EDIL3: variants seen among roughly 807,000 people sequenced by gnomAD.
The protein encoded by EDIL3 is EGF-like repeat and discoidin I-like domain-containing protein 3.
Under a neutral mutation model 67.4 loss-of-function variants are expected in EDIL3, and 37 were observed. The observed-to-expected ratio is 0.55, with a 90% confidence interval of 0.42 to 0.72. The LOEUF is 0.72. Among genes scored for constraint, EDIL3 ranks in the 30% least tolerant of loss-of-function variants. The pLI is 0.00. For synonymous variants in EDIL3, 195 were observed against 196.3 expected, an observed-to-expected ratio of 0.99 and a Z score of 0.05; for missense variants, 527 against 586.3, an observed-to-expected ratio of 0.90 and a Z score of 1.04.
intron 3 of EDIL3, among the ~76,000 whole-genome samples, chr5:84,218,451 A>G (rs1744276127): frequency 6.6e-6 from 1 of 152,260 alleles, no homozygotes; most frequent in Non-Finnish European, 1.5e-5. Context: ...GGATGGAGGC[A>G]GAGCCAGGTG....
intron 6 of EDIL3, among the ~76,000 whole-genome samples, chr5:84,098,468 T>C (rs1375873960): frequency 6.6e-6 from 1 of 152,150 alleles, no homozygotes; most frequent in East Asian, 1.9e-4. Context: ...TTATAGGTGA[T>C]TTAATCTTAC....
At chr5:83,993,569 A>G (rs1745186908) in intron 9 of EDIL3, among the ~76,000 whole-genome samples, 1 of 152,204 alleles carries the variant, frequency 6.6e-6, no homozygotes, top group African/African-American at 2.4e-5. Context: ...CCTTTGCTCT[A>G]TAAATGACAG....
intron 1 of EDIL3, among the ~76,000 whole-genome samples, chr5:84,337,395 A>C (rs1747010461): frequency 6.6e-6 from 1 of 152,172 alleles, no homozygotes; most frequent in African/African-American, 2.4e-5. Context: ...CTACTGAGCT[A>C]GAAATTTCCT....
chr5:83,976,764 T>C (rs1337151792), intron 9 of EDIL3, among the ~76,000 whole-genome samples: 1 of 151,818 alleles, frequency 6.6e-6, no homozygotes, highest in Non-Finnish European at 1.5e-5. Context: ...GCCCTTGCTT[T>C]TTAAAATATA....
intron 1 of EDIL3, among the ~76,000 whole-genome samples, chr5:84,349,151 C>T (rs960563272): frequency 6.6e-6 from 1 of 152,088 alleles, no homozygotes; most frequent in Non-Finnish European, 1.5e-5. Context: ...ACATGTCTTG[C>T]TACAATTATT....
chr5:84,124,876 A>G (rs994324263), intron 5 of EDIL3, among the ~76,000 whole-genome samples: 1 of 151,984 alleles, frequency 6.6e-6, no homozygotes, highest in Non-Finnish European at 1.5e-5. Flanking sequence ...TACTATGAAG[A>G]ACAGTTGAAT....
chr5:83,984,398 T>C lies in EDIL3; in HGVS notation c.1138-21038A>G, dbSNP rs79430278. On this transcript the variant is annotated intron_variant, in intron 9 of 10. Coordinates refer to ENST00000296591, the MANE Select transcript of EDIL3 (RefSeq NM_005711.5). ...GCATAAGAGTATGTCTTGCCAGTAGTTGGATTCTTTTCTCAGCAAACACTG... is the reference window on the plus strand; with the variant it reads ...GCATAAGAGTATGTCTTGCCAGTAGCTGGATTCTTTTCTCAGCAAACACTG... 9.7e-3 allele frequency among the ~76,000 whole-genome samples: 1,477 copies of C among 152,222 alleles called. 27 individuals carry two copies. The highest frequency in any genetic ancestry group is 0.034 in the African/African-American group (1,413 of 41,550).
At chr5:84,139,557 A>G (rs571701004) in intron 4 of EDIL3, among the ~76,000 whole-genome samples, 125 of 152,222 alleles carry the variant, frequency 8.2e-4, no homozygotes, top group African/African-American at 2.8e-3. Flanking sequence ...TGACAATAAC[A>G]ATGTTTGGCT....
chr5:84,350,755 T>C (rs1373262770), intron 1 of EDIL3, among the ~76,000 whole-genome samples: 1 of 152,116 alleles, frequency 6.6e-6, no homozygotes, highest in Non-Finnish European at 1.5e-5. Flanking sequence ...AGCCCAGCAT[T>C]GTTCAATAGA....
At chr5:84,112,728 C>G (rs1434224254) in intron 5 of EDIL3, among the ~76,000 whole-genome samples, 3 of 152,172 alleles carry the variant, frequency 2.0e-5, no homozygotes, top group Non-Finnish European at 4.4e-5. Context: ...GTGTGCCCAT[C>G]TGTTTTCTCA....
intron 1 of EDIL3, among the ~76,000 whole-genome samples, chr5:84,302,065 G>A (rs927223559): frequency 2.0e-5 from 3 of 151,946 alleles, no homozygotes; most frequent in African/African-American, 4.8e-5. Context: ...GACTATACAC[G>A]TATATAGAAA....
intron 9 of EDIL3, among the ~76,000 whole-genome samples, chr5:83,994,380 C>CT (rs34951042): frequency 0.029 from 4,109 of 143,816 alleles, 185 homozygotes; most frequent in African/African-American, 0.099. Context: ...TTTCACAAGG[C>CT]TTTTTTTTTT....
chr5:84,248,019 C>T (rs951039408), intron 2 of EDIL3, among the ~76,000 whole-genome samples: 7 of 152,050 alleles, frequency 4.6e-5, no homozygotes, highest in South Asian at 2.1e-4. Context: ...CACATATTTA[C>T]GACAAAGACC....
Position 84,081,866 on chromosome 5 carries a change from G to GAA in EDIL3, c.652-15261_652-15260insTT, listed in dbSNP as rs1470843773. Among the ~76,000 whole-genome samples the GAA allele has an allele frequency of 4.7e-5, 6 of 128,972 alleles. No individual in the cohort carries two copies. In the East Asian group the frequency reaches 1.3e-3, roughly 28 times the overall value. The allele number at this position is 128,972 out of a possible 152,430, so 84.6% of individuals were successfully genotyped here. A position where few individuals can be genotyped will look rare whatever the true frequency, so the allele number is the denominator to read the frequency against. ...GCATTACTTCTAAGAGCTGACCCAGGCATGATGGACAAGAATCTCACCACA... is the reference window on the plus strand; with the variant it reads ...GCATTACTTCTAAGAGCTGACCCAGGAACATGATGGACAAGAATCTCACCACA... On this transcript the variant is annotated intron_variant, in intron 6 of 10. Transcript: ENST00000296591.
intron 1 of EDIL3, among the ~76,000 whole-genome samples, chr5:84,314,652 A>G (rs534397476): frequency 6.6e-6 from 1 of 152,354 alleles, no homozygotes; most frequent in East Asian, 1.9e-4. Flanking sequence ...TCATAATTTA[A>G]TCCTTTCCAT....
At chr5:84,327,078 T>C (rs1374917392) in intron 1 of EDIL3, among the ~76,000 whole-genome samples, 2 of 152,000 alleles carry the variant, frequency 1.3e-5, no homozygotes, top group Non-Finnish European at 2.9e-5. Context: ...ATCAAGATAA[T>C]TAACATATCC....
At chr5:84,066,135 T>G (rs959439224) in intron 7 of EDIL3, among the ~76,000 whole-genome samples, 1 of 142,880 alleles carries the variant, frequency 7.0e-6, no homozygotes, top group Non-Finnish European at 1.5e-5. Flanking sequence ...AAAAAAAAAG[T>G]GCGTTAATCA....
intron 3 of EDIL3, among the ~76,000 whole-genome samples, chr5:84,203,396 C>A (rs1029983896): frequency 3.3e-5 from 5 of 152,056 alleles, no homozygotes; most frequent in Non-Finnish European, 7.4e-5. Flanking sequence ...AAAGATGACC[C>A]AACTGATGTT....
chr5:84,379,746 T>G (rs1230580517), intron 1 of EDIL3, among the ~76,000 whole-genome samples: 1 of 152,076 alleles, frequency 6.6e-6, no homozygotes, highest in African/African-American at 2.4e-5. Context: ...GGTAGAAGGA[T>G]TCTACCTTAC....
Sources: gnomAD v4.1 joint callset for allele counts (sites outside exome capture counted in the v4.1 genomes callset) on GRCh38, gnomAD v4.1.1 for gene constraint, MANE v1.5 for transcripts, NCBI Gene and HGNC (gene_info 2026-07-23, HGNC 2026-07-21) for gene names.